The following DTNB variants were observed in gnomAD, a reference collection of about 807,000 sequenced individuals.
DTNB encodes the protein dystrobrevin beta, also known as DTN-B.
Under a neutral mutation model 90.7 loss-of-function variants are expected in DTNB, and 63 were observed. The observed-to-expected ratio is 0.69, with a 90% CI of 0.57 to 0.86. The LOEUF is 0.86. Among genes scored for constraint, DTNB ranks in the 40% least tolerant of loss-of-function variants. DTNB has a pLI of 0.00. For synonymous variants in DTNB, 277 were observed against 286.7 expected (o/e 0.97, Z 0.34); for missense variants, 744 against 807.1 (o/e 0.92, Z 0.95).
chr2:25,609,736 A>C (rs1294997851), intron 4 of DTNB, among the ~76,000 whole-genome samples: 2 of 149,412 alleles, frequency 1.3e-5, no homozygotes, highest in Admixed American at 6.7e-5. Context: ...GCTTAGGCCC[A>C]ACCCTTAGAG....
chr2:25,485,713 C>T lies in DTNB; in HGVS notation c.1002-2840G>A, dbSNP rs775345566. Reference sequence around the variant, plus strand: ...CTTAAAGGAGGTCTTTACTACAGAACCTTCACTAGAGCCACGACTCACCAT... The same window carrying T: ...CTTAAAGGAGGTCTTTACTACAGAATCTTCACTAGAGCCACGACTCACCAT... On this transcript the variant is annotated intron_variant, in intron 9 of 20. Coordinates refer to ENST00000406818, the MANE Select transcript of DTNB (RefSeq NM_021907.5). Among the ~76,000 whole-genome samples, 3 of 152,190 alleles carry T rather than the reference C, an allele frequency of 2.0e-5. No individual in the cohort carries two copies. The South Asian group carries it at 6.2e-4, about 32-fold the overall frequency.
intron 16 of DTNB, among the ~76,000 whole-genome samples, chr2:25,416,890 C>G (rs940154396): frequency 6.6e-6 from 1 of 151,844 alleles, no homozygotes; most frequent in African/African-American, 2.4e-5. Context: ...GTGTTAAATA[C>G]GCCTATGTTT....
intron 15 of DTNB, chr2:25,421,330 T>C (rs34104763): frequency 0.21 from 31,646 of 150,678 alleles, 3,809 homozygotes; most frequent in Non-Finnish European, 0.27. Flanking sequence ...CAACTCAGCA[T>C]GGGAAGGTGC....
At chr2:25,489,447 G>C (rs1208161332) in intron 9 of DTNB, among the ~76,000 whole-genome samples, 1 of 152,112 alleles carries the variant, frequency 6.6e-6, no homozygotes, top group Non-Finnish European at 1.5e-5. Flanking sequence ...ATAGAAGTAA[G>C]AAAAACTGCT....
chr2:25,479,302 C>CAGTACGCAGCATAAG (rs1454607789), intron 10 of DTNB, among the ~76,000 whole-genome samples: 31 of 152,102 alleles, frequency 2.0e-4, no homozygotes, highest in African/African-American at 6.0e-4. Context: ...AATAACAGAA[C>CAGTACGCAGCATAAG]AGTACGCAGC....
At chr2:25,537,706 C>T (rs1042514816) in intron 8 of DTNB, among the ~76,000 whole-genome samples, 1 of 152,138 alleles carries the variant, frequency 6.6e-6, no homozygotes, top group African/African-American at 2.4e-5. Flanking sequence ...AGTCTCTAAG[C>T]AAGAGTTTGA....
At chr2:25,547,685 T>C (rs970077764) in intron 8 of DTNB, among the ~76,000 whole-genome samples, 1 of 152,164 alleles carries the variant, frequency 6.6e-6, no homozygotes, top group African/African-American at 2.4e-5. Flanking sequence ...CTAGTAAAAT[T>C]GGTTGGATAC....
At chr2:25,601,460 T>C (rs1298027695) in intron 5 of DTNB, among the ~76,000 whole-genome samples, 2 of 152,322 alleles carry the variant, frequency 1.3e-5, no homozygotes, top group Non-Finnish European at 2.9e-5. Flanking sequence ...ATAATATCTT[T>C]TGTGTAATAA....
intron 6 of DTNB, among the ~76,000 whole-genome samples, chr2:25,588,364 G>A (rs1273855710): frequency 1.3e-5 from 2 of 151,536 alleles, no homozygotes; most frequent in African/African-American, 2.4e-5. Context: ...ACTCTCTTCC[G>A]AGAACTTTTT....
intron 9 of DTNB, among the ~76,000 whole-genome samples, chr2:25,486,373 A>T (rs925499408): frequency 5.9e-5 from 9 of 152,134 alleles, no homozygotes; most frequent in African/African-American, 1.9e-4. Flanking sequence ...CTGGGGTGGG[A>T]GGATCACCTG....
chr2:25,592,003 G>C (rs1398262761), intron 6 of DTNB, among the ~76,000 whole-genome samples: 1 of 144,954 alleles, frequency 6.9e-6, no homozygotes, highest in Non-Finnish European at 1.5e-5. Flanking sequence ...AGAGGTTGCA[G>C]TGAGCCAAGA....
At chr2:25,381,576 A>G (rs2037782527) in intron 19 of DTNB, among the ~76,000 whole-genome samples, 1 of 152,016 alleles carries the variant, frequency 6.6e-6, no homozygotes, top group Non-Finnish European at 1.5e-5. Context: ...GGGTCTTGCT[A>G]TGTTGCCTAT....
At chr2:25,378,958 C>T (rs752501073) in intron 20 of DTNB, among the ~76,000 whole-genome samples, 1 of 152,162 alleles carries the variant, frequency 6.6e-6, no homozygotes, top group African/African-American at 2.4e-5. Context: ...GCATGGGAGG[C>T]AGTGCTCCCC....
chr2:25,600,647 T>C (rs1394087242), intron 5 of DTNB, among the ~76,000 whole-genome samples: 2 of 152,326 alleles, frequency 1.3e-5, no homozygotes, highest in African/African-American at 4.8e-5. Context: ...CCACTAGTGG[T>C]GGAAATATTC....
chr2:25,402,171 C>T (rs917937416), intron 16 of DTNB, among the ~76,000 whole-genome samples: 17 of 152,190 alleles, frequency 1.1e-4, no homozygotes, highest in South Asian at 2.1e-4. Flanking sequence ...TCAAAGTGGA[C>T]GTGAAACGAG....
At chr2:25,638,496 C>G (rs2077552931) in intron 3 of DTNB, among the ~76,000 whole-genome samples, 1 of 152,178 alleles carries the variant, frequency 6.6e-6, no homozygotes, top group Non-Finnish European at 1.5e-5. Context: ...GCTAGTTCAT[C>G]TTCATGGAAA....
At chr2:25,528,169 T>C (rs904348697) in intron 9 of DTNB, among the ~76,000 whole-genome samples, 2 of 152,152 alleles carry the variant, frequency 1.3e-5, no homozygotes, top group Non-Finnish European at 2.9e-5. Flanking sequence ...CATATAATCA[T>C]CTCAATACAG....
intron 9 of DTNB, among the ~76,000 whole-genome samples, chr2:25,524,383 A>C (rs1415966031): frequency 6.6e-6 from 1 of 150,972 alleles, no homozygotes; most frequent in Non-Finnish European, 1.5e-5. Context: ...TCTAAATCTG[A>C]AAGAGAATCT....
chr2:25,538,244 T>C (rs1404512745), intron 8 of DTNB, among the ~76,000 whole-genome samples: 1 of 151,802 alleles, frequency 6.6e-6, no homozygotes, highest in East Asian at 1.9e-4. Context: ...AAAATATATA[T>C]ATATCCAAAC....
Sources: allele counts gnomAD v4.1 joint callset (sites outside exome capture counted in the v4.1 genomes callset), GRCh38; gene constraint gnomAD v4.1.1; transcripts MANE v1.5; gene names NCBI Gene and HGNC (gene_info 2026-07-23, HGNC 2026-07-21).